The following MAP2K5 variants were observed in gnomAD, a reference collection of about 807,000 sequenced individuals.
MAP2K5 encodes the protein dual specificity mitogen-activated protein kinase kinase 5.
In MAP2K5, 49 loss-of-function variants were observed where a neutral mutation model predicts 83.1. The observed-to-expected ratio is 0.59, with a 90% CI of 0.47 to 0.75. The LOEUF (loss-of-function observed/expected upper bound fraction) is 0.75. Ranked by LOEUF, MAP2K5 falls within the 30% of genes least tolerant of loss-of-function variation. MAP2K5 has a pLI of 0.00. For synonymous variants in MAP2K5, 202 were observed against 191.8 expected, an observed-to-expected ratio of 1.05 and a Z score of -0.44; for missense variants, 457 against 557.5, an observed-to-expected ratio of 0.82 and a Z score of 1.82.
intron 6 of MAP2K5, among the ~76,000 whole-genome samples, chr15:67,589,803 G>A (rs2085359815): frequency 6.6e-6 from 1 of 151,872 alleles, no homozygotes; most frequent in East Asian, 1.9e-4. Context: ...GTGTGTGTGT[G>A]TGTGTGTGTG....
chr15:67,586,160 G>T (rs192841966), intron 5 of MAP2K5, among the ~76,000 whole-genome samples: 4 of 152,200 alleles, frequency 2.6e-5, no homozygotes, highest in Non-Finnish European at 4.4e-5. Flanking sequence ...GAATTGTTTT[G>T]TTGGTCAGTG....
intron 21 of MAP2K5, among the ~76,000 whole-genome samples, chr15:67,800,749 G>A (rs754271455): frequency 8.9e-4 from 135 of 152,138 alleles, no homozygotes; most frequent in Non-Finnish European, 1.1e-3. Flanking sequence ...AGTGTACCTG[G>A]GCTTTGGTGC....
intron 19 of MAP2K5, among the ~76,000 whole-genome samples, chr15:67,752,690 A>AG (rs1566952603): frequency 6.6e-6 from 1 of 151,712 alleles, no homozygotes; most frequent in Non-Finnish European, 1.5e-5. Context: ...AAAAAAAAAA[A>AG]GAAAAAGAAA....
chr15:67,674,727 A>G (rs1009141037), intron 13 of MAP2K5, among the ~76,000 whole-genome samples: 5 of 152,222 alleles, frequency 3.3e-5, no homozygotes, highest in African/African-American at 1.2e-4. Flanking sequence ...TGTGCCTAGA[A>G]TATATAAAGA....
Position 67,748,435 on chromosome 15 carries a change from A to G in MAP2K5, c.1102-134A>G, listed in dbSNP as rs1040961553. ...AAATAATAGAACCTCCTGAGCATCA[A>G]TGTTTTTATAAGAGTTTGCTGTTGT... is the stretch of plus-strand genomic sequence containing the variant. On this transcript the variant is annotated intron_variant, in intron 18 of 21. Coordinates refer to ENST00000178640, the MANE Select transcript of MAP2K5 (RefSeq NM_145160.3). This position sits in a 1 kb window ranked among gnomAD's most constrained non-coding sequence, Gnocchi z 4.0. 76 of 854,406 alleles carry G rather than the reference A, an allele frequency of 8.9e-5. No individual in the cohort carries two copies. The highest frequency in any genetic ancestry group is 3.2e-5 in the South Asian group (2 of 61,718). The allele number at this position is 854,406 out of a possible 1,614,324, so 52.9% of individuals were successfully genotyped here.
intron 17 of MAP2K5, among the ~76,000 whole-genome samples, chr15:67,739,566 C>T (rs2089446596): frequency 6.9e-6 from 1 of 143,914 alleles, no homozygotes; most frequent in Admixed American, 7.1e-5. Flanking sequence ...CTGCAACCTC[C>T]TCCTCCCGGG....
At chr15:67,584,469 T>A (rs1275521569) in intron 4 of MAP2K5, among the ~76,000 whole-genome samples, 2 of 152,196 alleles carry the variant, frequency 1.3e-5, no homozygotes, top group Non-Finnish European at 2.9e-5. Flanking sequence ...TGCATGTGAC[T>A]GTAGTTCAAA....
rs946047858 is a variant in MAP2K5 at position 67,785,660 on chromosome 15, C to T, written c.1242+12908C>T. Among the ~76,000 whole-genome samples the T allele has an allele frequency of 2.6e-5, 4 of 152,238 alleles. No individual in the cohort carries two copies. Among genetic ancestry groups the T allele is most frequent in the Admixed American group, 6.5e-5 (1 of 15,294 alleles). On this transcript the variant is annotated intron_variant, in intron 21 of 21. Transcript: ENST00000178640. This position sits in a 1 kb window ranked among gnomAD's most constrained non-coding sequence, Gnocchi z 4.4. ...CTGGAGGTGTGGAGGCAGCAGGGGA[C>T]CTGGCATGGAGCCATGACCTCGCTC...
chr15:67,759,185 G>A (rs2089900292), intron 19 of MAP2K5, among the ~76,000 whole-genome samples: 1 of 152,064 alleles, frequency 6.6e-6, no homozygotes, highest in Non-Finnish European at 1.5e-5. Flanking sequence ...AAGCCACTGG[G>A]GTATGAAAAT....
At chr15:67,788,896 C>T (rs2090464206) in intron 21 of MAP2K5, among the ~76,000 whole-genome samples, 1 of 150,868 alleles carries the variant, frequency 6.6e-6, no homozygotes, top group Admixed American at 6.6e-5. Flanking sequence ...CACTTGAGCC[C>T]ATGAGGTAGA....
intron 19 of MAP2K5, among the ~76,000 whole-genome samples, chr15:67,761,992 G>A (rs1301464766): frequency 6.6e-6 from 1 of 152,220 alleles, no homozygotes; most frequent in African/African-American, 2.4e-5. Context: ...ACACTGTATA[G>A]GAACAAGGTA....
intron 19 of MAP2K5, among the ~76,000 whole-genome samples, chr15:67,763,764 G>A (rs369203102): frequency 1.3e-5 from 2 of 152,096 alleles, no homozygotes; most frequent in East Asian, 3.9e-4. Context: ...TGGAGGATCA[G>A]AAACCAATTT....
chr15:67,765,578 A>G (rs543331487), intron 19 of MAP2K5, among the ~76,000 whole-genome samples: 1 of 152,338 alleles, frequency 6.6e-6, no homozygotes, highest in African/African-American at 2.4e-5. Context: ...TTGAATATTA[A>G]AAGCATTTTT....
chr15:67,618,744 TTCCTCA>T (rs1382527824), intron 8 of MAP2K5, among the ~76,000 whole-genome samples: 1 of 152,218 alleles, frequency 6.6e-6, no homozygotes, highest in Non-Finnish European at 1.5e-5. Context: ...TTGTGGGTTC[TTCCTCA>T]AAAATATTTC....
At chr15:67,689,701 C>T (rs991567679) in intron 13 of MAP2K5, among the ~76,000 whole-genome samples, 4 of 151,938 alleles carry the variant, frequency 2.6e-5, no homozygotes, top group African/African-American at 9.7e-5. Flanking sequence ...TACACCTTGT[C>T]TTTTGGAATA....
chr15:67,604,949 G>A (rs8028223), intron 8 of MAP2K5, among the ~76,000 whole-genome samples: 149,124 of 152,248 alleles, frequency 0.98, 73,116 homozygotes, highest in Middle Eastern at 1. Context: ...AAGGCTTAGC[G>A]CTATGACTGA....
At chr15:67,592,794 C>T (rs1770443341) in intron 6 of MAP2K5, 132 bp from the exon 7 acceptor site, 4 of 624,692 alleles carry the variant, frequency 6.4e-6, no homozygotes, top group African/African-American at 5.9e-5. Context: ...AAAAAATTTA[C>T]ATTGGGAGAA....
rs56206602 is a variant in MAP2K5 at position 67,797,979 on chromosome 15, G to A, written c.1243-8667G>A. On this transcript the variant is annotated intron_variant, in intron 21 of 21. Transcript: ENST00000178640. ...ATTACAGGCATGAGCCACCATGCCC[G>A]GCCTAAAATGTTTTCTTACTCAAGA... 6.6e-3 allele frequency among the ~76,000 whole-genome samples: 1,006 copies of A among 152,248 alleles called. 7 individuals are homozygous for A. Among genetic ancestry groups the A allele is most frequent in the African/African-American group, 0.021 (869 of 41,514 alleles).
chr15:67,595,094 C>T (rs992171647), intron 7 of MAP2K5, among the ~76,000 whole-genome samples: 4 of 152,092 alleles, frequency 2.6e-5, no homozygotes, highest in Admixed American at 6.5e-5. Flanking sequence ...TTCCACTAGC[C>T]TCCACTTAGA....
Sources: gnomAD v4.1 joint callset for allele counts (sites outside exome capture counted in the v4.1 genomes callset) on GRCh38, gnomAD v4.1.1 for gene constraint, Gnocchi (gnomAD v3.1) non-coding constraint, MANE v1.5 for transcripts, NCBI Gene and HGNC (gene_info 2026-07-23, HGNC 2026-07-21) for gene names.